The following NRG3 variants were observed in gnomAD, a reference collection of about 807,000 sequenced individuals.
NRG3 encodes the protein neuregulin 3.
A neutral mutation model predicts 66.9 loss-of-function variants in NRG3; 31 were observed. That is an observed-to-expected ratio of 0.46 (90% CI 0.35 to 0.63). NRG3 has a LOEUF of 0.63. Among genes scored for constraint, NRG3 ranks in the 20% least tolerant of loss-of-function variants. NRG3 has a pLI of 0.00. For missense variants in NRG3, 910 were observed against 878.9 expected, an observed-to-expected ratio of 1.04 and a Z score of -0.45; for synonymous variants, 393 against 359.4, an observed-to-expected ratio of 1.09 and a Z score of -1.06.
At chr10:82,488,567 A>G (rs1842862034) in intron 2 of NRG3, among the ~76,000 whole-genome samples, 1 of 152,210 alleles carries the variant, frequency 6.6e-6, no homozygotes, top group Non-Finnish European at 1.5e-5. Context: ...TAGTCTGAAT[A>G]ACTACAATCT....
chr10:82,115,657 C>A (rs1487052356), intron 1 of NRG3, among the ~76,000 whole-genome samples: 3 of 152,022 alleles, frequency 2.0e-5, no homozygotes, highest in African/African-American at 7.2e-5. Flanking sequence ...ATAATCAAAT[C>A]CAGAAGGGGA....
chr10:81,914,368 T>G (rs1845463074), intron 1 of NRG3, among the ~76,000 whole-genome samples: 1 of 152,122 alleles, frequency 6.6e-6, no homozygotes, highest in African/African-American at 2.4e-5. Context: ...AATACTGAAA[T>G]CTCAGCACTG....
chr10:82,691,116 G>A (rs1300489526), intron 2 of NRG3, among the ~76,000 whole-genome samples: 3 of 152,000 alleles, frequency 2.0e-5, no homozygotes, highest in South Asian at 2.1e-4. Context: ...CAAAAATTAT[G>A]ATTATCTCAA....
At chr10:81,971,007 G>A (rs954717781) in intron 1 of NRG3, among the ~76,000 whole-genome samples, 1 of 152,134 alleles carries the variant, frequency 6.6e-6, no homozygotes, top group Non-Finnish European at 1.5e-5. Flanking sequence ...GGGCATGGTG[G>A]TGGGCCCCTG....
chr10:82,475,550 G>T (rs964918009), intron 2 of NRG3, among the ~76,000 whole-genome samples: 3 of 152,058 alleles, frequency 2.0e-5, no homozygotes, highest in Admixed American at 1.3e-4. Context: ...TACATATATG[G>T]TTAAATGCTT....
At chr10:82,427,874 C>T (rs2089545893) in intron 2 of NRG3, among the ~76,000 whole-genome samples, 1 of 151,964 alleles carries the variant, frequency 6.6e-6, no homozygotes, top group Non-Finnish European at 1.5e-5. Context: ...AATTACTAAA[C>T]TGATTTTATT....
At chr10:82,859,524 G>T (rs911333839) in intron 3 of NRG3, among the ~76,000 whole-genome samples, 2 of 152,118 alleles carry the variant, frequency 1.3e-5, no homozygotes, top group Admixed American at 1.3e-4. Flanking sequence ...TTGCTCTGTT[G>T]CAGCCTGCCC....
intron 1 of NRG3, among the ~76,000 whole-genome samples, chr10:81,916,369 T>G (rs552970040): frequency 6.6e-6 from 1 of 152,182 alleles, no homozygotes; most frequent in Admixed American, 6.6e-5. Context: ...TCAAGAAACA[T>G]AATAATAAAT....
intron 2 of NRG3, among the ~76,000 whole-genome samples, chr10:82,562,645 A>G (rs979934943): frequency 6.6e-5 from 10 of 152,292 alleles, no homozygotes; most frequent in African/African-American, 2.4e-4. Context: ...AGAAATAACC[A>G]ACTCATGGCT....
intron 1 of NRG3, among the ~76,000 whole-genome samples, chr10:81,949,259 A>G (rs1242094035): frequency 6.6e-6 from 1 of 152,132 alleles, no homozygotes; most frequent in African/African-American, 2.4e-5. Context: ...GTAAACAAAG[A>G]CGCTCTTATT....
At chr10:82,716,250 T>C (rs2056965188) in intron 2 of NRG3, among the ~76,000 whole-genome samples, 1 of 152,110 alleles carries the variant, frequency 6.6e-6, no homozygotes, top group Admixed American at 6.6e-5. Flanking sequence ...TTCAGGTAAG[T>C]TTTTTAATTG....
At chr10:82,266,589 G>A (rs769058664) in intron 1 of NRG3, among the ~76,000 whole-genome samples, 13 of 152,138 alleles carry the variant, frequency 8.5e-5, no homozygotes, top group Non-Finnish European at 1.9e-4. Flanking sequence ...CATTACTAAA[G>A]GTAGACAGAA....
chr10:82,913,969 T>G (rs912234316), intron 4 of NRG3, among the ~76,000 whole-genome samples: 5 of 152,212 alleles, frequency 3.3e-5, no homozygotes, highest in Non-Finnish European at 5.9e-5. Flanking sequence ...AGTTTTTCAA[T>G]GTTCTGTTCC....
chr10:82,781,601 G>A (rs983809750), intron 3 of NRG3, among the ~76,000 whole-genome samples: 1 of 151,834 alleles, frequency 6.6e-6, no homozygotes, highest in African/African-American at 2.4e-5. Flanking sequence ...ATTTTTCTTG[G>A]GGTCAGCTTA....
intron 4 of NRG3, among the ~76,000 whole-genome samples, chr10:82,929,377 T>G (rs1847332990): frequency 6.6e-6 from 1 of 152,168 alleles, no homozygotes; most frequent in African/African-American, 2.4e-5. Context: ...AAGTACCGTT[T>G]TACCTTTCAG....
chr10:82,537,570 A>G (rs1223957823), intron 2 of NRG3, among the ~76,000 whole-genome samples: 4 of 152,124 alleles, frequency 2.6e-5, no homozygotes, highest in Non-Finnish European at 5.9e-5. Context: ...GGGATATGAA[A>G]CTCCTGGACT....
chr10:82,400,154 C>T (rs1409384075), intron 2 of NRG3, among the ~76,000 whole-genome samples: 1 of 152,042 alleles, frequency 6.6e-6, no homozygotes, highest in African/African-American at 2.4e-5. Context: ...AGATGCAGTT[C>T]AGAGAATTTA....
chr10:82,514,717 A>G lies in NRG3; in HGVS notation c.953+155849A>G, dbSNP rs1845495034. On this transcript the variant is annotated intron_variant, in intron 2 of 8. Coordinates refer to ENST00000372141, the MANE Select transcript of NRG3 (RefSeq NM_001010848.4). ...TATAAGGGCTCTTTTTCGTTTCCAT[A>G]TGAATTTTAAAGTAGTTTTTTCTAA... 1.3e-5 allele frequency among the ~76,000 whole-genome samples: 2 copies of G among 151,996 alleles called. 1 individual carries two copies. Among genetic ancestry groups the G allele is most frequent in the South Asian group, 4.1e-4 (2 of 4,830 alleles).
At chr10:82,042,525 T>C (rs1288313047) in intron 1 of NRG3, among the ~76,000 whole-genome samples, 1 of 152,018 alleles carries the variant, frequency 6.6e-6, no homozygotes, top group Non-Finnish European at 1.5e-5. Context: ...GCTACTGTAT[T>C]TTTCCCCACT....
Sources: allele counts gnomAD v4.1 joint callset (sites outside exome capture counted in the v4.1 genomes callset), GRCh38; gene constraint gnomAD v4.1.1; transcripts MANE v1.5; gene names NCBI Gene and HGNC (gene_info 2026-07-23, HGNC 2026-07-21).